The following FREM2 variants were observed in gnomAD, a reference collection of about 807,000 sequenced individuals.
The protein encoded by FREM2 is FRAS1-related extracellular matrix protein 2.
In FREM2, 119 loss-of-function variants were observed where a neutral mutation model predicts 219.9. That is an observed-to-expected ratio of 0.54 (90% CI 0.47 to 0.63). The LOEUF is 0.63. FREM2 is among the 30% of genes least tolerant of loss of function. The probability of loss-of-function intolerance (pLI) is 0.00; values close to 1 mark genes in which losing one functional copy is unlikely to be tolerated. For synonymous variants in FREM2, 1,562 were observed against 1,522.8 expected, an observed-to-expected ratio of 1.03 and a Z score of -0.60; for missense variants, 4,030 against 3,993.6, an observed-to-expected ratio of 1.01 and a Z score of -0.25.
At chr13:38,787,113 G>A (rs746784020) in intron 6 of FREM2, among the ~76,000 whole-genome samples, 12 of 152,072 alleles carry the variant, frequency 7.9e-5, no homozygotes, top group African/African-American at 1.4e-4. Flanking sequence ...GTGGGGTAGC[G>A]AAAGCCCAGA....
In FREM2 at chr13:38,691,192, A is replaced by G; in HGVS notation, c.3848A>G (p.Asp1283Gly). The change falls in exon 1 of 24, where the codon GAT (aspartate) becomes GGT (glycine). Residue 1283 changes from aspartate (D) to glycine (G), a missense_variant. Asp to Gly is a moderately conservative substitution (Grantham distance 94). Around this residue, in one of 2 missense-constraint regions of FREM2, gnomAD observed 3,102 missense variants for 2,950.7 expected, o/e 1.05. Transcript: ENST00000280481. Reference sequence around the variant, plus strand: ...GACAGTTTTGTGATTAAACTAACAGATGGGAAGCACTCTGTGGAAAAGACG... The same window carrying G: ...GACAGTTTTGTGATTAAACTAACAGGTGGGAAGCACTCTGTGGAAAAGACG... ...QEDSFVIKLT[D>G]GKHSVEKTVL... 4.3e-6 allele frequency: 7 copies of G among 1,614,092 alleles called. No individual in the cohort carries two copies. The highest frequency in any genetic ancestry group is 5.9e-6 in the Non-Finnish European group (7 of 1,180,006).
intron 2 of FREM2, among the ~76,000 whole-genome samples, chr13:38,760,212 C>T (rs1873174274): frequency 6.6e-6 from 1 of 152,092 alleles, no homozygotes; most frequent in South Asian, 2.1e-4. Flanking sequence ...ATGATAGTTA[C>T]TTTGGGCCAT....
chr13:38,837,460 T>C (rs1485043583), intron 6 of FREM2, among the ~76,000 whole-genome samples: 1 of 152,210 alleles, frequency 6.6e-6, no homozygotes, highest in Non-Finnish European at 1.5e-5. Flanking sequence ...TTAGGCCTGC[T>C]TGGTCCATAG....
chr13:38,830,073 T>G (rs1876446785), intron 6 of FREM2, among the ~76,000 whole-genome samples: 1 of 152,120 alleles, frequency 6.6e-6, no homozygotes, highest in Non-Finnish European at 1.5e-5. Flanking sequence ...TTTAATCTTC[T>G]CTAAAAGAAG....
intron 6 of FREM2, among the ~76,000 whole-genome samples, chr13:38,796,434 A>G (rs1250137732): frequency 6.6e-6 from 1 of 152,156 alleles, no homozygotes; most frequent in Non-Finnish European, 1.5e-5. Context: ...GATATTCTTT[A>G]TATTCCACCA....
Position 38,833,056 on chromosome 13 carries a change from A to T in FREM2, c.6020-13517A>T, listed in dbSNP as rs114478859. Among the ~76,000 whole-genome samples the T allele has an allele frequency of 8.1e-3, 1,229 of 152,246 alleles. 13 individuals carry two copies. The highest frequency in any genetic ancestry group is 0.028 in the African/African-American group (1,178 of 41,560). ...TGTGTCTCGAAAAAAAAGCAAAAAA[A>T]AGTTAAGTCTCTATTAGTGTCTTTT... On this transcript the variant is annotated intron_variant, in intron 6 of 23. Transcript: ENST00000280481.
chr13:38,694,803 A>G (rs1566107364), intron 1 of FREM2, among the ~76,000 whole-genome samples: 1 of 152,212 alleles, frequency 6.6e-6, no homozygotes, highest in Non-Finnish European at 1.5e-5. Context: ...CTCTTTGCCA[A>G]GTTGCCCCTG....
chr13:38,719,961 T>C (rs1871157446), intron 2 of FREM2, among the ~76,000 whole-genome samples: 1 of 152,180 alleles, frequency 6.6e-6, no homozygotes, highest in Non-Finnish European at 1.5e-5. Context: ...GCAAAAGTCT[T>C]CAAGAATCCC....
At chr13:38,705,805 A>G (rs1321633556) in intron 2 of FREM2, among the ~76,000 whole-genome samples, 1 of 151,556 alleles carries the variant, frequency 6.6e-6, no homozygotes, top group Non-Finnish European at 1.5e-5. Context: ...TTCTTTCTTT[A>G]TTTCCCCTCC....
rs532741328 is a variant in FREM2, at chr13:38,859,514, A to G, written c.7443A>G (p.Ala2481=). The change falls in exon 14 of 24, where the codon GCA becomes GCG. Residue 2481 remains alanine, a synonymous_variant. Coordinates refer to ENST00000280481, the MANE Select transcript of FREM2 (RefSeq NM_207361.6). ...AGCCTGGCTCCCGGGTACAGTGCGC[A>G]GCTCGTGCTGTGAACACCAATGGGG... ...YFQPGSRVQC[A]ARAVNTNGDE... is the part of the protein sequence containing the mutation. 1 of 1,614,088 alleles carries G rather than the reference A, an allele frequency of 6.2e-7. No individual in the cohort carries two copies. Among genetic ancestry groups the G allele is most frequent in the South Asian group, 1.1e-5 (1 of 91,078 alleles).
intron 23 of FREM2, 53 bp downstream of exon 23, chr13:38,879,030 T>C: frequency 2.6e-6 from 4 of 1,544,122 alleles, no homozygotes; most frequent in South Asian, 1.1e-5. Context: ...ATGCAAGTTA[T>C]GGAACATTTA....
intron 2 of FREM2, among the ~76,000 whole-genome samples, chr13:38,705,289 C>T (rs866769768): frequency 6.6e-6 from 1 of 151,820 alleles, no homozygotes; most frequent in Non-Finnish European, 1.5e-5. Flanking sequence ...AAAAGGAGAC[C>T]GTAAGCATGA....
At chr13:38,801,851 T>C (rs1335692232) in intron 6 of FREM2, among the ~76,000 whole-genome samples, 2 of 152,122 alleles carry the variant, frequency 1.3e-5, no homozygotes, top group Admixed American at 6.5e-5. Context: ...GTGGCAGTGG[T>C]AGGCCAGGAA....
chr13:38,731,937 G>A (rs756992598), intron 2 of FREM2, among the ~76,000 whole-genome samples: 2 of 152,178 alleles, frequency 1.3e-5, no homozygotes, highest in Non-Finnish European at 2.9e-5. Flanking sequence ...TGAATGAACA[G>A]CATTTGATAC....
chr13:38,803,401 G>A (rs986134996), intron 6 of FREM2, among the ~76,000 whole-genome samples: 3 of 152,002 alleles, frequency 2.0e-5, no homozygotes, highest in Admixed American at 6.6e-5. Flanking sequence ...AACCTGTGTC[G>A]CGTCTTTAAG....
At chr13:38,763,409 C>G (rs1325622955) in intron 2 of FREM2, among the ~76,000 whole-genome samples, 4 of 142,636 alleles carry the variant, frequency 2.8e-5, no homozygotes, top group Non-Finnish European at 6.1e-5. Context: ...ATGTGAACTG[C>G]AAAGAGAAGA....
intron 10 of FREM2, 136 bp from the exon 11 acceptor site, chr13:38,851,550 T>A: frequency 1.4e-6 from 1 of 735,162 alleles, no homozygotes; most frequent in South Asian, 1.7e-5. Flanking sequence ...GTCACTAATT[T>A]TGAGTGAGGG....
intron 2 of FREM2, among the ~76,000 whole-genome samples, chr13:38,750,119 A>G (rs1593383247): frequency 6.6e-6 from 1 of 152,296 alleles, no homozygotes; most frequent in Middle Eastern, 3.4e-3. Context: ...CAAGAAATTT[A>G]TTCGTCATTT....
intron 11 of FREM2, 127 bp downstream of exon 11, chr13:38,851,995 T>A (rs1877389702): frequency 1.2e-6 from 1 of 853,632 alleles, no homozygotes; most frequent in Non-Finnish European, 1.9e-6. Flanking sequence ...TTTTAGGGGG[T>A]ATAATTTTAA....
Sources: allele counts gnomAD v4.1 joint callset (sites outside exome capture counted in the v4.1 genomes callset), GRCh38; gene constraint gnomAD v4.1.1; regional missense constraint gnomAD v4.1.1; transcripts MANE v1.5; gene names NCBI Gene and HGNC (gene_info 2026-07-23, HGNC 2026-07-21).